PPP1R9A: variants seen among roughly 807,000 people sequenced by gnomAD.
The protein encoded by PPP1R9A is neurabin-1.
A neutral mutation model predicts 141.9 loss-of-function variants in PPP1R9A; 59 were observed. The observed-to-expected ratio is 0.42, with a 90% CI of 0.34 to 0.52. The LOEUF is 0.52. Among genes scored for constraint, PPP1R9A ranks in the 20% least tolerant of loss-of-function variants. The pLI, the probability that PPP1R9A is intolerant of heterozygous loss-of-function variation, is 0.10. For missense variants in PPP1R9A, 1,444 were observed against 1,611.9 expected (o/e 0.90, Z 1.78); for synonymous variants, 500 against 569.7 (o/e 0.88, Z 1.74).
intron 8 of PPP1R9A, among the ~76,000 whole-genome samples, chr7:95,236,299 T>C (rs1354849895): frequency 6.6e-6 from 1 of 152,120 alleles, no homozygotes; most frequent in East Asian, 1.9e-4. Context: ...TTTGTTATTA[T>C]TCAGCTTTTA....
intron 2 of PPP1R9A, among the ~76,000 whole-genome samples, chr7:94,937,704 G>A (rs1294946745): frequency 6.6e-6 from 1 of 152,138 alleles, no homozygotes; most frequent in African/African-American, 2.4e-5. Context: ...TATGTAATCA[G>A]CATTGTGGTA....
intron 12 of PPP1R9A, among the ~76,000 whole-genome samples, chr7:95,257,649 A>G (rs1397641739): frequency 2.0e-5 from 3 of 151,944 alleles, no homozygotes; most frequent in African/African-American, 7.3e-5. Context: ...TATATCTCCT[A>G]ATGCTATCCC....
intron 4 of PPP1R9A, among the ~76,000 whole-genome samples, chr7:95,140,352 A>G (rs1257992038): frequency 6.6e-6 from 1 of 152,184 alleles, no homozygotes; most frequent in Admixed American, 6.5e-5. Flanking sequence ...CCACTATAAT[A>G]TTTAATCCAT....
At chr7:95,248,955 T>C (rs1203676464) in intron 9 of PPP1R9A, among the ~76,000 whole-genome samples, 2 of 152,172 alleles carry the variant, frequency 1.3e-5, no homozygotes, top group East Asian at 3.9e-4. Flanking sequence ...TTTTGAACAT[T>C]GATAGTTTAT....
At chr7:95,105,976 T>C (rs961929948) in intron 2 of PPP1R9A, among the ~76,000 whole-genome samples, 2 of 152,006 alleles carry the variant, frequency 1.3e-5, no homozygotes, top group Non-Finnish European at 2.9e-5. Context: ...TGAAAGAGAG[T>C]ATGAGGCTGG....
intron 2 of PPP1R9A, among the ~76,000 whole-genome samples, chr7:94,919,196 C>G (rs1043411601): frequency 6.6e-6 from 1 of 152,018 alleles, no homozygotes; most frequent in African/African-American, 2.4e-5. Flanking sequence ...GTGGCACGAT[C>G]AAAGCTCACT....
At chr7:95,011,965 G>C (rs1340576082) in intron 2 of PPP1R9A, among the ~76,000 whole-genome samples, 1 of 152,064 alleles carries the variant, frequency 6.6e-6, no homozygotes, top group Non-Finnish European at 1.5e-5. Flanking sequence ...TTAATTTCGA[G>C]GAAACAGTGC....
chr7:94,957,234 C>T (rs1447473390), intron 2 of PPP1R9A, among the ~76,000 whole-genome samples: 11 of 152,062 alleles, frequency 7.2e-5, no homozygotes, highest in Non-Finnish European at 1.6e-4. Context: ...ATGTGCTGTA[C>T]AGTTTAAAGC....
chr7:94,913,399 A>T (rs1791686657), intron 2 of PPP1R9A, among the ~76,000 whole-genome samples: 2 of 152,198 alleles, frequency 1.3e-5, no homozygotes. Context: ...TGACAATTTT[A>T]TCTAGCAAAT....
Position 95,219,552 on chromosome 7 carries a change from C to T in PPP1R9A, c.1957-6409C>T, listed in dbSNP as rs557138526. On this transcript the variant is annotated intron_variant, in intron 7 of 19. Transcript: ENST00000433360. ...TTGGGGAAGTTTTCCTGGATAATAT[C>T]CTACAGAGTGTTTTCCAACTTGGTT... Among the ~76,000 whole-genome samples the T allele has an allele frequency of 5.9e-5, 9 of 152,174 alleles. No homozygotes were observed. The South Asian group carries it at 1.9e-3, about 32-fold the overall frequency.
At chr7:95,266,353 C>CA (rs1191553834) in intron 12 of PPP1R9A, among the ~76,000 whole-genome samples, 1 of 151,728 alleles carries the variant, frequency 6.6e-6, no homozygotes, top group African/African-American at 2.4e-5. Flanking sequence ...TGTTATCTAA[C>CA]ATATAGGGAA....
chr7:95,130,196 C>T (rs1298081668), intron 4 of PPP1R9A, among the ~76,000 whole-genome samples: 2 of 152,112 alleles, frequency 1.3e-5, no homozygotes, highest in Non-Finnish European at 2.9e-5. Context: ...CTAGGGTCCC[C>T]ATGCTGCTTG....
chr7:95,229,633 T>A (rs2152960070), intron 8 of PPP1R9A, among the ~76,000 whole-genome samples: 1 of 152,218 alleles, frequency 6.6e-6, no homozygotes, highest in South Asian at 2.1e-4. Context: ...AAGGAGAGAC[T>A]GAGCTAAGAC....
At chr7:95,145,607 A>G (rs998702957) in intron 4 of PPP1R9A, among the ~76,000 whole-genome samples, 1 of 152,164 alleles carries the variant, frequency 6.6e-6, no homozygotes, top group Non-Finnish European at 1.5e-5. Context: ...GTTTACATGC[A>G]TCTACTAAAA....
At chr7:95,217,353 T>A (rs540013594) in intron 7 of PPP1R9A, among the ~76,000 whole-genome samples, 1 of 152,332 alleles carries the variant, frequency 6.6e-6, no homozygotes, top group South Asian at 2.1e-4. Flanking sequence ...TTTGATGTGC[T>A]GCTGGATTTG....
chr7:95,249,500 C>T (rs1047370965), intron 9 of PPP1R9A, among the ~76,000 whole-genome samples: 13 of 152,052 alleles, frequency 8.5e-5, no homozygotes, highest in African/African-American at 2.4e-4. Context: ...ACTTCAATTA[C>T]ATGTCCAAGG....
chr7:95,215,808 T>G (rs1365481011), intron 7 of PPP1R9A, among the ~76,000 whole-genome samples: 1 of 152,220 alleles, frequency 6.6e-6, no homozygotes, highest in Non-Finnish European at 1.5e-5. Context: ...CGCCCACTTT[T>G]TGATGGGGTT....
chr7:95,059,283 G>A (rs1004587557), intron 2 of PPP1R9A, among the ~76,000 whole-genome samples: 1 of 152,024 alleles, frequency 6.6e-6, no homozygotes, highest in Non-Finnish European at 1.5e-5. Context: ...CATCCCAAAC[G>A]TCTTCTACCC....
chr7:95,231,321 G>A (rs1795900537), intron 8 of PPP1R9A, among the ~76,000 whole-genome samples: 4 of 152,152 alleles, frequency 2.6e-5, no homozygotes, highest in Admixed American at 2.6e-4. Flanking sequence ...TCTACTGTCA[G>A]CACTAGACAG....
Sources: allele counts gnomAD v4.1 joint callset (sites outside exome capture counted in the v4.1 genomes callset), GRCh38; gene constraint gnomAD v4.1.1; transcripts MANE v1.5; gene names NCBI Gene and HGNC (gene_info 2026-07-23, HGNC 2026-07-21).